Variants in GLG1 observed in about 807,000 individuals in gnomAD.
GLG1 encodes Golgi apparatus protein 1.
In GLG1, 38 loss-of-function variants were observed where a neutral mutation model predicts 160.5. The observed-to-expected ratio is 0.24, with a 90% CI of 0.18 to 0.31. GLG1 has a LOEUF of 0.31. Among genes scored for constraint, GLG1 ranks in the 10% least tolerant of loss-of-function variants. GLG1 has a pLI of 1.00. For synonymous variants in GLG1, 644 were observed against 543.4 expected (o/e 1.19, Z -2.57); for missense variants, 1,373 against 1,505.2 (o/e 0.91, Z 1.45).
intron 17 of GLG1, 189 bp downstream of exon 17, chr16:74,468,755 AGG>A: frequency 3.4e-6 from 2 of 582,768 alleles, no homozygotes; most frequent in South Asian, 4.3e-5. Context: ...GTGGGAAGAA[AGG>A]TTTTATCATT....
At chr16:74,508,603 T>C (rs939529702) in intron 3 of GLG1, among the ~76,000 whole-genome samples, 4 of 152,130 alleles carry the variant, frequency 2.6e-5, no homozygotes, top group Admixed American at 2.6e-4. Context: ...TACTTGCTGT[T>C]TTGAGACCAA....
chr16:74,559,005 C>T (rs985527343), intron 1 of GLG1, among the ~76,000 whole-genome samples: 1 of 152,144 alleles, frequency 6.6e-6, no homozygotes, highest in Non-Finnish European at 1.5e-5. Context: ...CCACCTCAGC[C>T]TCCTGAGCAG....
At chr16:74,540,506 T>C (rs2143649203) in intron 1 of GLG1, among the ~76,000 whole-genome samples, 1 of 151,900 alleles carries the variant, frequency 6.6e-6, no homozygotes, top group Middle Eastern at 3.4e-3. Flanking sequence ...CAACCAATCT[T>C]TTCATCAAAT....
chr16:74,471,408 C>T (rs950221207), intron 14 of GLG1, 122 bp from the exon 15 acceptor site: 2 of 660,160 alleles, frequency 3.0e-6, no homozygotes, highest in Non-Finnish European at 5.5e-6. Context: ...AAAAGACACA[C>T]CATAAATTGT....
At chr16:74,593,488 G>A (rs1274950470) in intron 1 of GLG1, among the ~76,000 whole-genome samples, 5 of 145,890 alleles carry the variant, frequency 3.4e-5, no homozygotes, top group Non-Finnish European at 7.4e-5. Flanking sequence ...AGGCTGGAGT[G>A]CAATAACGCG....
Position 74,491,132 on chromosome 16 carries a change from T to C in GLG1, c.1318A>G (p.Ile440Val). The C allele has an allele frequency of 6.2e-7, 1 of 1,614,082 alleles. No individual in the cohort carries two copies. The highest frequency in any genetic ancestry group is 8.5e-7 in the Non-Finnish European group (1 of 1,179,936). ...ATCTCCCCCCGACAGCTTAGGATGA[T>C]CTCAGGGCTCAGAGAAAAGTCTTCC... Reference protein sequence around the residue: ...LMEDFSLSPEIILSCRGEIEH... With the variant: ...LMEDFSLSPEVILSCRGEIEH... Residue 440 changes from isoleucine to valine, a missense_variant, in exon 8 of 26, where the codon ATC becomes GTC. Transcript: ENST00000422840.
chr16:74,535,580 G>C (rs574105856), intron 1 of GLG1, among the ~76,000 whole-genome samples: 1 of 152,136 alleles, frequency 6.6e-6, no homozygotes, highest in African/African-American at 2.4e-5. Flanking sequence ...CTAAAGGTAT[G>C]TGCCATGATA....
rs1405748856 is a variant in GLG1, at chr16:74,540,092, A to T, written c.439-7939T>A. 7.2e-3 allele frequency among the ~76,000 whole-genome samples: 6 copies of T among 836 alleles called. 2 individuals carry two copies. The Non-Finnish European group carries it at 0.074, about 10-fold the overall frequency. The allele number at this position is 836 out of a possible 152,430, so 0.5% of individuals were successfully genotyped here. ...TATATTATATATATTTTATATATAT[A>T]TTATATATATTTTATATATATATAT... On this transcript the variant is annotated intron_variant, in intron 1 of 25. Transcript: ENST00000422840.
intron 1 of GLG1, among the ~76,000 whole-genome samples, chr16:74,585,549 A>AC (rs1193843350): frequency 4.6e-5 from 7 of 151,954 alleles, no homozygotes; most frequent in Non-Finnish European, 1.0e-4. Context: ...TACTAAAACT[A>AC]CAAAAAAAAT....
chr16:74,453,538 G>C (rs984034697), intron 25 of GLG1, among the ~76,000 whole-genome samples: 1 of 152,206 alleles, frequency 6.6e-6, no homozygotes, highest in African/African-American at 2.4e-5. Flanking sequence ...CACAAAATTA[G>C]AAATACAGAA....
At chr16:74,497,998 A>C (rs2016260847) in intron 4 of GLG1, among the ~76,000 whole-genome samples, 1 of 152,176 alleles carries the variant, frequency 6.6e-6, no homozygotes, top group Non-Finnish European at 1.5e-5. Context: ...TCCCCATAGC[A>C]ACCACAAACA....
chr16:74,526,229 ATGGT>A (rs2017327700), intron 2 of GLG1, among the ~76,000 whole-genome samples: 1 of 150,486 alleles, frequency 6.6e-6, no homozygotes, highest in Admixed American at 6.6e-5. Context: ...AGAGTTGGTG[ATGGT>A]TGGTAAAGGC....
intron 24 of GLG1, among the ~76,000 whole-genome samples, 194 bp from the exon 25 acceptor site, chr16:74,456,949 G>A (rs944340193): frequency 2.0e-5 from 3 of 152,136 alleles, no homozygotes; most frequent in African/African-American, 7.2e-5. Context: ...CAGGGTTGGC[G>A]TCCGAAGCCT....
intron 20 of GLG1, chr16:74,462,931 C>T (rs1220435672): frequency 2.2e-6 from 1 of 452,090 alleles, no homozygotes. Flanking sequence ...TTCCCCATAA[C>T]AGACACTTTT....
intron 2 of GLG1, among the ~76,000 whole-genome samples, chr16:74,524,077 G>A (rs759732144): frequency 6.6e-5 from 10 of 152,060 alleles, no homozygotes; most frequent in Admixed American, 1.3e-4. Flanking sequence ...GCTGGGTGTG[G>A]TATGTGCCTG....
chr16:74,493,407 A>G (rs1333701365), intron 6 of GLG1, among the ~76,000 whole-genome samples: 2 of 152,218 alleles, frequency 1.3e-5, no homozygotes, highest in African/African-American at 4.8e-5. Flanking sequence ...AAACATGTAA[A>G]TATCTCACAG....
At chr16:74,563,358 C>T (rs1259029687) in intron 1 of GLG1, 2 of 152,194 alleles carry the variant, frequency 1.3e-5, no homozygotes, top group Non-Finnish European at 2.9e-5. Context: ...GCTTGGAAGC[C>T]TTCATCATTC....
At chr16:74,512,950 G>A (rs902096709) in intron 2 of GLG1, among the ~76,000 whole-genome samples, 1 of 152,110 alleles carries the variant, frequency 6.6e-6, no homozygotes, top group Non-Finnish European at 1.5e-5. Context: ...ATGAACTGAC[G>A]GAGATTGGGC....
intron 2 of GLG1, among the ~76,000 whole-genome samples, chr16:74,516,342 TG>T (rs1428047447): frequency 6.6e-6 from 1 of 151,572 alleles, no homozygotes; most frequent in African/African-American, 2.4e-5. Flanking sequence ...GAACAGAAAT[TG>T]TAACAAACTG....
Sources: gnomAD v4.1 joint callset for allele counts (sites outside exome capture counted in the v4.1 genomes callset) on GRCh38, gnomAD v4.1.1 for gene constraint, MANE v1.5 for transcripts, NCBI Gene and HGNC (gene_info 2026-07-23, HGNC 2026-07-21) for gene names.